The following MMP24 variants were observed in gnomAD, a reference collection of about 807,000 sequenced individuals.
MMP24 encodes matrix metallopeptidase 24.
Under a neutral mutation model 62.8 loss-of-function variants are expected in MMP24, and 25 were observed. The observed-to-expected ratio is 0.40, with a 90% CI of 0.29 to 0.56. The LOEUF is 0.56. MMP24 is among the 20% of genes least tolerant of loss of function. The pLI, the probability that MMP24 is intolerant of heterozygous loss-of-function variation, is 0.50. For missense variants in MMP24, 634 were observed against 853.6 expected (o/e 0.74, Z 3.21); for synonymous variants, 319 against 350.5 (o/e 0.91, Z 1.00).
chr20:35,272,937 G>A (rs2060679615), intron 8 of MMP24, among the ~76,000 whole-genome samples: 1 of 152,196 alleles, frequency 6.6e-6, no homozygotes, highest in Non-Finnish European at 1.5e-5. Flanking sequence ...CATCCATGCT[G>A]TATATTTTAG....
chr20:35,249,609 G>A (rs1340502477), intron 2 of MMP24, among the ~76,000 whole-genome samples: 1 of 147,798 alleles, frequency 6.8e-6, no homozygotes, highest in Non-Finnish European at 1.5e-5. Context: ...TTTTTTTTGA[G>A]ACGGAGTCTC....
rs1278762843 is a variant in MMP24 at position 35,263,892 on chromosome 20, A to G, written c.919A>G (p.Met307Val). The G allele has an allele frequency of 1.2e-6, 2 of 1,612,964 alleles. No individual in the cohort carries two copies. Among genetic ancestry groups the G allele is most frequent in the South Asian group, 1.1e-5 (1 of 90,846 alleles). The part of the protein sequence containing the change: ...SAIMAPFYQY[M>V]ETHNFKLPQD... The stretch of plus-strand genomic sequence containing the variant: ...CATCATGGCGCCCTTCTACCAGTAC[A>G]TGGAGACGCACAACTTCAAGCTGCC... The change falls in exon 5 of 9, where the codon ATG becomes GTG. Residue 307 changes from methionine (M) to valine (V), a missense_variant. Met to Val is a conservative substitution (Grantham distance 21). Coordinates refer to ENST00000246186, the MANE Select transcript of MMP24 (RefSeq NM_006690.4).
At chr20:35,252,745 G>A (rs573161950) in intron 3 of MMP24, among the ~76,000 whole-genome samples, 32 of 152,358 alleles carry the variant, frequency 2.1e-4, no homozygotes, top group African/African-American at 7.5e-4. Context: ...TGAAGCACCG[G>A]AGTGAGGCTG....
chr20:35,227,005 C>T, intron 1 of MMP24, 21 bp downstream of exon 1: 1 of 977,382 alleles, frequency 1.0e-6, no homozygotes, highest in Non-Finnish European at 1.2e-6. Flanking sequence ...CGCGCGGGGC[C>T]GGGGCGCGGG....
In MMP24 at chr20:35,271,862, C is replaced by A; in HGVS notation, c.1600+27C>A. The A allele has an allele frequency of 6.3e-7, 1 of 1,590,218 alleles. No homozygotes were observed. The highest frequency in any genetic ancestry group is 1.1e-5 in the South Asian group (1 of 88,502). ...TACGTAAGGGCCGGGCCAGGGTGGG[C>A]ATGGGGAGCCGGTTTTATGTGGTCC... On this transcript the variant is annotated intron_variant, in intron 8 of 8. Coordinates refer to ENST00000246186, the MANE Select transcript of MMP24 (RefSeq NM_006690.4). This position sits in a 1 kb window ranked among gnomAD's most constrained non-coding sequence, Gnocchi z 4.0.
In MMP24 at chr20:35,271,520, C is replaced by T. The variant is rs774089373; in HGVS notation, c.1334-49C>T. On this transcript the variant is annotated intron_variant, in intron 7 of 8. Coordinates refer to ENST00000246186, the MANE Select transcript of MMP24 (RefSeq NM_006690.4). The surrounding 1 kb of genome is among the most constrained non-coding windows in gnomAD (Gnocchi z 4.0). ...ACCTGACACCCTGAAGATGGGCAAA[C>T]GGCACTGAGTGACTGGGGAAGCTGA... The T allele has an allele frequency of 1.0e-5, 16 of 1,582,304 alleles. No individual in the cohort carries two copies. The highest frequency in any genetic ancestry group is 1.7e-4 in the Middle Eastern group (1 of 5,940).
chr20:35,229,781 C>G (rs1016411220), intron 1 of MMP24, among the ~76,000 whole-genome samples: 18 of 152,054 alleles, frequency 1.2e-4, no homozygotes, highest in African/African-American at 4.3e-4. Flanking sequence ...GACAGGCTGC[C>G]CATATTTCTC....
At position 35,275,612 on chromosome 20, in the gene MMP24, T is replaced by C. The variant is rs1224817847; in HGVS notation, c.*1003T>C. The C allele has an allele frequency of 6.3e-6, 1 of 158,248 alleles. No individual in the cohort carries two copies. Among genetic ancestry groups the C allele is most frequent in the East Asian group, 1.8e-4 (1 of 5,490 alleles). 9.8% of individuals were successfully genotyped at this position (158,248 alleles called of 1,614,324 possible). A position where few individuals can be genotyped will look rare whatever the true frequency, so the allele number is the denominator to read the frequency against. ...GCAGCCTGGAGCTCAGCCTCACCAGTTAGGTGAGGCAGAGATGGCTGCAGG... is the reference window on the plus strand; with the variant it reads ...GCAGCCTGGAGCTCAGCCTCACCAGCTAGGTGAGGCAGAGATGGCTGCAGG... On this transcript the variant is annotated 3_prime_UTR_variant, in exon 9 of 9. Coordinates refer to ENST00000246186, the MANE Select transcript of MMP24 (RefSeq NM_006690.4).
rs1451616819 is a variant in MMP24 at position 35,265,972 on chromosome 20, C to A, written c.980-1233C>A. Among the ~76,000 whole-genome samples the A allele has an allele frequency of 2.6e-5, 4 of 151,792 alleles. No homozygotes were observed. In the East Asian group the frequency reaches 7.7e-4, roughly 29 times the overall value. ...AGCAGTGATTCTCAACTTGGCTGCC[C>A]TTTGGAATTACCTTGGGATTCTAAT... On this transcript the variant is annotated intron_variant, in intron 5 of 8. Coordinates refer to ENST00000246186, the MANE Select transcript of MMP24 (RefSeq NM_006690.4).
chr20:35,248,159 G>A (rs1371026804), intron 2 of MMP24, among the ~76,000 whole-genome samples: 1 of 152,106 alleles, frequency 6.6e-6, no homozygotes, highest in Admixed American at 6.6e-5. Context: ...AGTTGGTGGG[G>A]GGAGGAACAG....
At chr20:35,257,188 G>A (rs2060579300) in intron 4 of MMP24, among the ~76,000 whole-genome samples, 1 of 152,176 alleles carries the variant, frequency 6.6e-6, no homozygotes, top group Admixed American at 6.5e-5. Context: ...GTCAAAGGCT[G>A]GACCAGGAGG....
At position 35,275,195 on chromosome 20, in the gene MMP24, G is replaced by C. The variant is rs1320787166; in HGVS notation, c.*586G>C. The C allele has an allele frequency of 6.4e-6, 1 of 156,022 alleles. No homozygotes were observed. The highest frequency in any genetic ancestry group is 2.4e-5 in the African/African-American group (1 of 41,434). The allele number at this position is 156,022 out of a possible 1,614,324, so 9.7% of individuals were successfully genotyped here. ...TCAGGAAACCTGCTCCACTTGTCAG[G>C]GTCTCTTCGGAGACCCAGGATTTAG... is the stretch of plus-strand genomic sequence containing the variant. On this transcript the variant is annotated 3_prime_UTR_variant, in exon 9 of 9. Coordinates refer to ENST00000246186, the MANE Select transcript of MMP24 (RefSeq NM_006690.4).
At chr20:35,235,217 A>G (rs558436044) in intron 1 of MMP24, among the ~76,000 whole-genome samples, 6 of 152,286 alleles carry the variant, frequency 3.9e-5, no homozygotes, top group Non-Finnish European at 8.8e-5. Flanking sequence ...CAGCCTGGGC[A>G]ACATGGCGAA....
intron 1 of MMP24, among the ~76,000 whole-genome samples, chr20:35,246,369 C>A (rs913308525): frequency 6.6e-6 from 1 of 151,508 alleles, no homozygotes; most frequent in Non-Finnish European, 1.5e-5. Flanking sequence ...CCCAGCTATT[C>A]GGGAGGCTGA....
intron 4 of MMP24, among the ~76,000 whole-genome samples, chr20:35,256,760 C>G (rs1390844571): frequency 6.7e-6 from 1 of 150,318 alleles, no homozygotes; most frequent in Non-Finnish European, 1.5e-5. Flanking sequence ...TTCCAGGACC[C>G]TAACCTCTTG....
intron 3 of MMP24, among the ~76,000 whole-genome samples, chr20:35,253,868 G>GTTT (rs11474068): frequency 1.5e-4 from 19 of 130,074 alleles, no homozygotes; most frequent in African/African-American, 2.4e-4. Context: ...TTTCCTTTGG[G>GTTT]TTTTTTTTTT....
In MMP24 at chr20:35,267,486, G is replaced by A. The variant is rs567846690; in HGVS notation, c.1194+67G>A. ...TTTCCTCCTCCTCCCCGACATCATG[G>A]AGCTGGGGAAGGCTCCTGATTTGGG... On this transcript the variant is annotated intron_variant, in intron 6 of 8. Coordinates refer to ENST00000246186, the MANE Select transcript of MMP24 (RefSeq NM_006690.4). The A allele has an allele frequency of 7.8e-5, 113 of 1,456,902 alleles. 1 individual carries two copies. In the Middle Eastern group the frequency reaches 1.6e-3, roughly 20 times the overall value. The allele number at this position is 1,456,902 out of a possible 1,614,324, so 90.2% of individuals were successfully genotyped here. A position where few individuals can be genotyped will look rare whatever the true frequency, so the allele number is the denominator to read the frequency against.
At position 35,269,013 on chromosome 20, in the gene MMP24, C is replaced by T. The variant is rs1248347639; in HGVS notation, c.1195-747C>T. 3.6e-5 allele frequency among the ~76,000 whole-genome samples: 5 copies of T among 137,274 alleles called. No homozygotes were observed. The highest frequency in any genetic ancestry group is 2.3e-4 in the South Asian group (1 of 4,272). 90.1% of individuals were successfully genotyped at this position (137,274 alleles called of 152,430 possible). On this transcript the variant is annotated intron_variant, in intron 6 of 8. Coordinates refer to ENST00000246186, the MANE Select transcript of MMP24 (RefSeq NM_006690.4). This position sits in a 1 kb window ranked among gnomAD's most constrained non-coding sequence, Gnocchi z 4.6. ...CTGCACTCCAGCCTGGGTGACAGAG[C>T]GAGACTCCATCTAAAAAAAAAAAAA...
intron 2 of MMP24, among the ~76,000 whole-genome samples, chr20:35,248,578 G>T (rs1480682001): frequency 6.6e-6 from 1 of 152,128 alleles, no homozygotes; most frequent in Non-Finnish European, 1.5e-5. Context: ...AGAGTGCTAG[G>T]ATTACAGGCG....
Sources: allele counts gnomAD v4.1 joint callset (sites outside exome capture counted in the v4.1 genomes callset), GRCh38; gene constraint gnomAD v4.1.1; non-coding constraint Gnocchi (gnomAD v3.1); transcripts MANE v1.5; gene names NCBI Gene and HGNC (gene_info 2026-07-23, HGNC 2026-07-21).